The following TAS2R1 variants were observed in gnomAD, a reference collection of about 807,000 sequenced individuals.
The protein encoded by TAS2R1 is taste receptor type 2 member 1.
For missense variants in TAS2R1, 370 were observed against 353.4 expected (o/e 1.05, Z -0.38); for synonymous variants, 141 against 134.2 (o/e 1.05, Z -0.35).
intron 2 of TAS2R1, among the ~76,000 whole-genome samples, chr5:9,650,837 C>T (rs1025279130): frequency 6.6e-6 from 1 of 152,146 alleles, no homozygotes; most frequent in Non-Finnish European, 1.5e-5. Context: ...AGAACATAAA[C>T]TATTTTTCTT....
At chr5:9,689,651 T>C (rs1244926910) in intron 1 of TAS2R1, among the ~76,000 whole-genome samples, 1 of 152,184 alleles carries the variant, frequency 6.6e-6, no homozygotes, top group Admixed American at 6.5e-5. Context: ...TTTTGTTTGT[T>C]ACTCTATCAC....
chr5:9,674,090 C>T (rs897994109), intron 1 of TAS2R1, among the ~76,000 whole-genome samples: 5 of 152,112 alleles, frequency 3.3e-5, no homozygotes, highest in Admixed American at 6.5e-5. Flanking sequence ...ATTTGGATGC[C>T]TATCTTCTCT....
chr5:9,820,685 G>T, the TAS2R1 span, among the ~76,000 whole-genome samples: 8 of 152,200 alleles, frequency 5.3e-5, no homozygotes, highest in African/African-American at 2.4e-5. Context: ...CAAAGAGCTT[G>T]ATTTAGATAA....
the TAS2R1 span, among the ~76,000 whole-genome samples, chr5:9,839,564 G>A: frequency 6.6e-6 from 1 of 152,176 alleles, no homozygotes; most frequent in African/African-American, 2.4e-5. Context: ...GTGTTTCTAC[G>A]CTGAAACAGG....
chr5:9,727,042 A>G, the TAS2R1 span, among the ~76,000 whole-genome samples: 1 of 152,202 alleles, frequency 6.6e-6, no homozygotes, highest in Admixed American at 6.5e-5. Context: ...ATCATTTCAT[A>G]TTAGTAGTAC....
intron 1 of TAS2R1, among the ~76,000 whole-genome samples, chr5:9,687,730 A>G (rs1252453640): frequency 6.6e-6 from 1 of 152,224 alleles, no homozygotes; most frequent in Non-Finnish European, 1.5e-5. Flanking sequence ...CGCGGGCCCA[A>G]GAGGCTTTGT....
At chr5:9,850,287 C>T in the TAS2R1 span, among the ~76,000 whole-genome samples, 1 of 152,230 alleles carries the variant, frequency 6.6e-6, no homozygotes, top group Non-Finnish European at 1.5e-5. Flanking sequence ...TTCCACAAGC[C>T]TCTTAAAGCT....
In TAS2R1 at chr5:9,629,357, C is replaced by T. The variant is rs145804099; in HGVS notation, c.676G>A (p.Ala226Thr). The T allele has an allele frequency of 4.5e-5, 73 of 1,613,946 alleles. No individual in the cohort carries two copies. Among genetic ancestry groups the T allele is most frequent in the African/African-American group, 1.1e-4 (8 of 75,026 alleles). ...AGGAAGGACAGGATAGACAGCAACG[C>T]GCTGATGGGTGCACCCCTGCCAGGA... ...RVPGRGAPIS[A>T]LLSILSFLIL... The change falls in exon 1 of 1, where the codon GCG becomes ACG. Residue 226 changes from alanine (A) to threonine (T), a missense_variant. Physicochemically the swap from Ala to Thr is moderately conservative, Grantham distance 58 (BLOSUM62 0). Transcript: ENST00000382492.
At chr5:9,754,977 T>C in the TAS2R1 span, among the ~76,000 whole-genome samples, 3 of 152,194 alleles carry the variant, frequency 2.0e-5, no homozygotes, top group Non-Finnish European at 2.9e-5. Context: ...GGTAAAGATA[T>C]CATTTATAAA....
chr5:9,892,815 CAAACAAAA>C, the TAS2R1 span, among the ~76,000 whole-genome samples: 2 of 152,050 alleles, frequency 1.3e-5, no homozygotes, highest in Non-Finnish European at 2.9e-5. Flanking sequence ...ACACTCAAAA[CAAACAAAA>C]AAACAAAAAA....
At chr5:9,691,572 C>T (rs1003664845) in intron 1 of TAS2R1, among the ~76,000 whole-genome samples, 1 of 152,224 alleles carries the variant, frequency 6.6e-6, no homozygotes, top group African/African-American at 2.4e-5. Context: ...GCCCTTATTT[C>T]ATATCGTAAG....
chr5:9,696,377 T>C (rs1741356350), intron 1 of TAS2R1, among the ~76,000 whole-genome samples: 1 of 151,986 alleles, frequency 6.6e-6, no homozygotes, highest in South Asian at 2.1e-4. Flanking sequence ...CTGATCAACA[T>C]GGTGAAACCC....
the TAS2R1 span, among the ~76,000 whole-genome samples, chr5:9,901,736 C>T: frequency 5.5e-3 from 841 of 152,158 alleles, 15 homozygotes; most frequent in African/African-American, 0.019. Flanking sequence ...GGATCCAGGC[C>T]GGAGACAGGC....
the TAS2R1 span, among the ~76,000 whole-genome samples, chr5:9,754,818 C>T: frequency 1.3e-5 from 2 of 152,088 alleles, no homozygotes; most frequent in Non-Finnish European, 2.9e-5. Context: ...GCCATACTGC[C>T]CAAGGTAATT....
the TAS2R1 span, among the ~76,000 whole-genome samples, chr5:9,855,560 T>C: frequency 3.3e-5 from 5 of 152,298 alleles, no homozygotes; most frequent in African/African-American, 1.2e-4. Context: ...ATCAGTCACT[T>C]CAAGTAATTG....
the TAS2R1 span, among the ~76,000 whole-genome samples, chr5:9,802,610 A>G: frequency 6.6e-6 from 1 of 152,210 alleles, no homozygotes. Context: ...CTCTGAATTA[A>G]AAGAATTAAG....
At chr5:9,784,964 T>C in the TAS2R1 span, among the ~76,000 whole-genome samples, 2 of 152,198 alleles carry the variant, frequency 1.3e-5, no homozygotes, top group Non-Finnish European at 2.9e-5. Context: ...GACTTCAACA[T>C]ATCATTTTTG....
intron 2 of TAS2R1, among the ~76,000 whole-genome samples, chr5:9,646,236 G>A (rs1360331552): frequency 6.6e-6 from 1 of 152,034 alleles, no homozygotes; most frequent in East Asian, 1.9e-4. Context: ...TATACATTTA[G>A]TTATTCATTT....
chr5:9,767,918 C>G, the TAS2R1 span, among the ~76,000 whole-genome samples: 1 of 94,796 alleles, frequency 1.1e-5, no homozygotes, highest in Non-Finnish European at 2.0e-5. Context: ...AGCGAGACTC[C>G]GTCTCAAAAA....
Sources: allele counts gnomAD v4.1 joint callset (sites outside exome capture counted in the v4.1 genomes callset), GRCh38; gene constraint gnomAD v4.1.1; transcripts MANE v1.5; gene names NCBI Gene and HGNC (gene_info 2026-07-23, HGNC 2026-07-21).